The following AGFG1 variants were observed in gnomAD, a reference collection of about 807,000 sequenced individuals.
The protein encoded by AGFG1 is arf-GAP domain and FG repeat-containing protein 1.
A neutral mutation model predicts 60.6 loss-of-function variants in AGFG1; 10 were observed. The observed-to-expected ratio is 0.16, with a 90% CI of 0.10 to 0.28. The LOEUF (loss-of-function observed/expected upper bound fraction) is 0.28, where lower values mean the gene tolerates loss of function less well. Among genes scored for constraint, AGFG1 ranks in the 10% least tolerant of loss-of-function variants. The pLI is 1.00. For missense variants in AGFG1, 537 were observed against 676.5 expected, an observed-to-expected ratio of 0.79 and a Z score of 2.29; for synonymous variants, 247 against 242.9, an observed-to-expected ratio of 1.02 and a Z score of -0.16.
Position 227,520,038 on chromosome 2 carries a change from C to A in AGFG1, c.352C>A (p.Gln118Lys). 1 of 1,575,698 alleles carries A rather than the reference C, an allele frequency of 6.3e-7. No homozygotes were observed. Residue 118 changes from glutamine to lysine, a missense_variant, in exon 3 of 13, where the codon CAA becomes AAA. Gln to Lys is a moderately conservative substitution (Grantham distance 53). This residue lies in a region of AGFG1 where 120 missense variants were observed against 198.5 expected (regional missense o/e 0.60). Coordinates refer to ENST00000310078, the MANE Select transcript of AGFG1 (RefSeq NM_004504.5). ...TCCACAAAAAGTGAAAGAGTTTCTACAAGAAAAGTATGAAAAGAAAAGATG... is the reference window on the plus strand; with the variant it reads ...TCCACAAAAAGTGAAAGAGTTTCTAAAAGAAAAGTATGAAAAGAAAAGATG... ...RDPQKVKEFLQEKYEKKRWYV... is the reference protein window; with the variant it reads ...RDPQKVKEFLKEKYEKKRWYV...
intron 2 of AGFG1, among the ~76,000 whole-genome samples, chr2:227,495,706 A>G (rs114021949): frequency 2.6e-4 from 39 of 152,290 alleles, no homozygotes; most frequent in African/African-American, 9.1e-4. Flanking sequence ...AGATAATTCA[A>G]TGGAGAAGAA....
intron 10 of AGFG1, chr2:227,549,942 C>G (rs917260515): frequency 2.9e-6 from 1 of 348,896 alleles, no homozygotes; most frequent in East Asian, 8.8e-5. Context: ...TTATGCTACC[C>G]CCTTAGCAAC....
intron 1 of AGFG1, among the ~76,000 whole-genome samples, chr2:227,486,900 A>T (rs571240911): frequency 3.9e-5 from 6 of 152,226 alleles, no homozygotes; most frequent in Admixed American, 2.6e-4. Flanking sequence ...TTTAGTGAGT[A>T]GAGCCAGGAA....
At chr2:227,535,102 A>T (rs1256061328) in intron 8 of AGFG1, 77 bp downstream of exon 8, 12 of 1,356,070 alleles carry the variant, frequency 8.8e-6, no homozygotes, top group Admixed American at 2.9e-5. Flanking sequence ...TTAAAAAATG[A>T]CTGTTTCAAG....
At chr2:227,493,984 A>G (rs1299687751) in intron 2 of AGFG1, among the ~76,000 whole-genome samples, 6 of 152,216 alleles carry the variant, frequency 3.9e-5, no homozygotes, top group African/African-American at 1.4e-4. Flanking sequence ...AGCAAACAGT[A>G]CAAAAAGAAA....
chr2:227,553,956 C>T (rs1692896982), intron 12 of AGFG1, among the ~76,000 whole-genome samples, 161 bp downstream of exon 12: 1 of 152,068 alleles, frequency 6.6e-6, no homozygotes, highest in Non-Finnish European at 1.5e-5. Flanking sequence ...ATGTGTGATC[C>T]TTTTCTGACC....
At chr2:227,496,291 A>T (rs1027578867) in intron 2 of AGFG1, among the ~76,000 whole-genome samples, 12 of 152,146 alleles carry the variant, frequency 7.9e-5, no homozygotes, top group African/African-American at 2.9e-4. Context: ...TTCCCTTGTT[A>T]ACATTCATGA....
chr2:227,554,424 G>GT lies in AGFG1; in HGVS notation c.1630-8dup, dbSNP rs750543885. On this transcript the variant is annotated splice_polypyrimidine_tract_variant and intron_variant, in intron 12 of 12. Coordinates refer to ENST00000310078, the MANE Select transcript of AGFG1 (RefSeq NM_004504.5). ...TTGTCTCTTTATTTATTTGTCTTAT[G>GT]TTTTCCTTTAGACTGGTGCACCAAC... 14 of 1,606,750 alleles carry GT rather than the reference G, an allele frequency of 8.7e-6. 1 individual carries two copies. Among genetic ancestry groups the GT allele is most frequent in the African/African-American group, 5.4e-5 (4 of 74,502 alleles).
intron 2 of AGFG1, among the ~76,000 whole-genome samples, chr2:227,495,545 CAA>C (rs1215021284): frequency 4.0e-4 from 36 of 90,044 alleles, no homozygotes; most frequent in Admixed American, 7.7e-4. Context: ...GATACTGTCT[CAA>C]AAAAAAAAAA....
At chr2:227,500,689 C>T (rs1472231168) in intron 2 of AGFG1, among the ~76,000 whole-genome samples, 2 of 152,200 alleles carry the variant, frequency 1.3e-5, no homozygotes, top group African/African-American at 4.8e-5. Context: ...ATCCATTCAT[C>T]AGTCCATCTG....
chr2:227,524,641 G>A lies in AGFG1; in HGVS notation c.541-121G>A, dbSNP rs920166221. On this transcript the variant is annotated intron_variant, in intron 4 of 12. Transcript: ENST00000310078. The stretch of plus-strand genomic sequence containing the variant: ...AAAGATTGAGTGAAAAATGAGAAAG[G>A]TTAACTCAGCATACTGTAACTCTTC... 5 of 1,009,702 alleles carry A rather than the reference G, an allele frequency of 5.0e-6. No homozygotes were observed. In the African/African-American group the frequency reaches 8.1e-5, roughly 16 times the overall value. The allele number at this position is 1,009,702 out of a possible 1,614,324, so 62.5% of individuals were successfully genotyped here.
At chr2:227,475,086 A>G (rs1271078441) in intron 1 of AGFG1, among the ~76,000 whole-genome samples, 1 of 152,214 alleles carries the variant, frequency 6.6e-6, no homozygotes, top group African/African-American at 2.4e-5. Flanking sequence ...AATAAGAAAT[A>G]TCCTAATAAA....
At chr2:227,552,319 T>A (rs966378808) in intron 11 of AGFG1, among the ~76,000 whole-genome samples, 1 of 152,188 alleles carries the variant, frequency 6.6e-6, no homozygotes, top group Admixed American at 6.5e-5. Context: ...AGGTTACAAT[T>A]TATGGGAAAT....
chr2:227,499,437 C>A (rs1051052229), intron 2 of AGFG1, among the ~76,000 whole-genome samples: 1 of 151,834 alleles, frequency 6.6e-6, no homozygotes, highest in African/African-American at 2.4e-5. Context: ...GCCAGGAGTT[C>A]GAGTCTAGCT....
intron 2 of AGFG1, among the ~76,000 whole-genome samples, chr2:227,493,074 TGAA>T (rs1361960427): frequency 6.6e-6 from 1 of 152,094 alleles, no homozygotes; most frequent in Non-Finnish European, 1.5e-5. Flanking sequence ...AGCAGTCAAT[TGAA>T]GAAGTGAAAA....
intron 2 of AGFG1, among the ~76,000 whole-genome samples, chr2:227,518,111 T>C (rs761291389): frequency 6.6e-6 from 1 of 152,206 alleles, no homozygotes; most frequent in Admixed American, 6.5e-5. Context: ...ATCTTGAGGT[T>C]TATTCATGTT....
chr2:227,536,370 C>T (rs559783753), intron 8 of AGFG1, among the ~76,000 whole-genome samples: 9 of 152,126 alleles, frequency 5.9e-5, no homozygotes, highest in Admixed American at 2.6e-4. Context: ...CTGTACTAGT[C>T]GTTACAATAG....
At chr2:227,503,976 G>C (rs1691233531) in intron 2 of AGFG1, among the ~76,000 whole-genome samples, 1 of 152,060 alleles carries the variant, frequency 6.6e-6, no homozygotes, top group Non-Finnish European at 1.5e-5. Flanking sequence ...TCTACAGCTT[G>C]CTCTTTGAAT....
In AGFG1 at chr2:227,524,802, A is replaced by T. The variant is rs1356264228; in HGVS notation, c.581A>T (p.Lys194Met). The T allele has an allele frequency of 6.2e-7, 1 of 1,614,062 alleles. No homozygotes were observed. Among genetic ancestry groups the T allele is most frequent in the Non-Finnish European group, 8.5e-7 (1 of 1,180,012 alleles). Residue 194 changes from lysine to methionine, a missense_variant, in exon 5 of 13, where the codon AAG becomes ATG. By Grantham distance (95) the Lys-to-Met change is moderately conservative. This residue lies in a region of AGFG1 where 102 missense variants were observed against 82.9 expected (regional missense o/e 1.23). Coordinates refer to ENST00000310078, the MANE Select transcript of AGFG1 (RefSeq NM_004504.5). ...VGRSQGQQQE[K>M]KQFDLLSDLG... is the part of the protein sequence containing the mutation. ...CGTTCTCAAGGGCAGCAGCAGGAGAAGAAGCAATTTGACCTTTTAAGTGAT... is the reference window on the plus strand; with the variant it reads ...CGTTCTCAAGGGCAGCAGCAGGAGATGAAGCAATTTGACCTTTTAAGTGAT...
Sources: gnomAD v4.1 joint callset for allele counts (sites outside exome capture counted in the v4.1 genomes callset) on GRCh38, gnomAD v4.1.1 for gene constraint, gnomAD v4.1.1 regional missense constraint, MANE v1.5 for transcripts, NCBI Gene and HGNC (gene_info 2026-07-23, HGNC 2026-07-21) for gene names.